PKHD1: variants seen among roughly 807,000 people sequenced by gnomAD.
The protein encoded by PKHD1 is fibrocystin.
Under a neutral mutation model 412.0 loss-of-function variants are expected in PKHD1, and 291 were observed. That is an observed-to-expected ratio of 0.71 (90% CI 0.64 to 0.78). The LOEUF is 0.78. PKHD1 is among the 30% of genes least tolerant of loss of function. The pLI is 0.00. For missense variants in PKHD1, 4,825 were observed against 4,950.7 expected, an observed-to-expected ratio of 0.97 and a Z score of 0.76; for synonymous variants, 1,777 against 1,821.5, an observed-to-expected ratio of 0.98 and a Z score of 0.62.
chr6:51,951,554 G>C (rs1790368249), intron 36 of PKHD1, among the ~76,000 whole-genome samples: 1 of 152,026 alleles, frequency 6.6e-6, no homozygotes, highest in Admixed American at 6.6e-5. Context: ...TTATAAAAAT[G>C]ATTTGGTATA....
At chr6:51,775,104 A>G (rs1790787300) in intron 54 of PKHD1, among the ~76,000 whole-genome samples, 1 of 151,580 alleles carries the variant, frequency 6.6e-6, no homozygotes, top group Admixed American at 6.6e-5. Flanking sequence ...TGACAATACA[A>G]TAGCTAAAAG....
intron 60 of PKHD1, among the ~76,000 whole-genome samples, chr6:51,735,450 T>C (rs990683200): frequency 1.3e-5 from 2 of 152,232 alleles, no homozygotes; most frequent in African/African-American, 4.8e-5. Context: ...ATTATTATTA[T>C]TGCTAGTTTG....
intron 50 of PKHD1, among the ~76,000 whole-genome samples, chr6:51,845,518 T>G (rs1770982994): frequency 6.6e-6 from 1 of 152,238 alleles, no homozygotes; most frequent in Admixed American, 6.5e-5. Flanking sequence ...TGACTTCTTA[T>G]TCCTTTTCCA....
chr6:51,688,604 G>C (rs9474054), intron 60 of PKHD1, among the ~76,000 whole-genome samples: 1,857 of 151,394 alleles, frequency 0.012, 33 homozygotes, highest in African/African-American at 0.042. Flanking sequence ...TAATAAGGAA[G>C]AAAAGAGAGA....
chr6:51,780,577 AAAT>A (rs1400907673), intron 53 of PKHD1, among the ~76,000 whole-genome samples: 2 of 152,154 alleles, frequency 1.3e-5, no homozygotes, highest in Non-Finnish European at 2.9e-5. Flanking sequence ...ACTCTCAAAT[AAAT>A]AATAAATACA....
At position 51,991,234 on chromosome 6, in the gene PKHD1, T is replaced by G. The variant is rs186694029; in HGVS notation, c.5751+19075A>C. Among the ~76,000 whole-genome samples, 40 of 152,256 alleles carry G rather than the reference T, an allele frequency of 2.6e-4. No individual in the cohort carries two copies. The East Asian group carries it at 7.7e-3, about 29-fold the overall frequency. ...TTTTAGACCTTATAAACATAAACTT[T>G]AAATAAGACTGGAATGGAAGATAGA... On this transcript the variant is annotated intron_variant, in intron 35 of 66. Coordinates refer to ENST00000371117, the MANE Select transcript of PKHD1 (RefSeq NM_138694.4).
chr6:51,978,226 T>C (rs1360542810), intron 35 of PKHD1, among the ~76,000 whole-genome samples: 1 of 152,158 alleles, frequency 6.6e-6, no homozygotes, highest in East Asian at 1.9e-4. Context: ...TTCCAAGCCA[T>C]CTAGGGGTGA....
intron 52 of PKHD1, among the ~76,000 whole-genome samples, chr6:51,829,879 T>G (rs1430299836): frequency 6.6e-6 from 1 of 152,182 alleles, no homozygotes; most frequent in East Asian, 1.9e-4. Context: ...AAATTTTGAC[T>G]CTGCAAATTG....
chr6:52,064,588 C>T (rs188403033), intron 13 of PKHD1, among the ~76,000 whole-genome samples: 16 of 152,264 alleles, frequency 1.1e-4, no homozygotes, highest in East Asian at 7.7e-4. Flanking sequence ...CACACTCTAA[C>T]GCTCCTGTCT....
At chr6:52,000,625 G>A (rs544312338) in intron 35 of PKHD1, among the ~76,000 whole-genome samples, 23 of 152,222 alleles carry the variant, frequency 1.5e-4, no homozygotes, top group African/African-American at 3.6e-4. Flanking sequence ...TAAAGCTCGC[G>A]GTTTTCCACT....
intron 37 of PKHD1, among the ~76,000 whole-genome samples, chr6:51,930,148 G>A (rs1193422254): frequency 3.9e-5 from 6 of 152,238 alleles, no homozygotes; most frequent in African/African-American, 1.4e-4. Flanking sequence ...TGGTGAACCT[G>A]GATTGGCAGA....
At chr6:51,799,073 C>A (rs1795016020) in intron 52 of PKHD1, among the ~76,000 whole-genome samples, 1 of 151,954 alleles carries the variant, frequency 6.6e-6, no homozygotes. Context: ...CACTTGAGAA[C>A]AGGAACACAG....
Position 51,922,254 on chromosome 6 carries a change from A to G in PKHD1, c.6122-9678T>C, listed in dbSNP as rs1001468690. 2.0e-5 allele frequency among the ~76,000 whole-genome samples: 3 copies of G among 152,254 alleles called. No homozygotes were observed. The East Asian group carries it at 5.8e-4, about 29-fold the overall frequency. ...CCCTGTTTGCCTGGGTATCACCAGC[A>G]GAGGCTGAAGAACAGCAAATATTGC... On this transcript the variant is annotated intron_variant, in intron 37 of 66. Coordinates refer to ENST00000371117, the MANE Select transcript of PKHD1 (RefSeq NM_138694.4).
chr6:51,949,683 G>A (rs1448388821), intron 36 of PKHD1, among the ~76,000 whole-genome samples: 3 of 152,112 alleles, frequency 2.0e-5, no homozygotes, highest in East Asian at 1.9e-4. Flanking sequence ...CTTAGTCCAC[G>A]CTCCATAATC....
At chr6:51,944,112 G>A (rs1303079475) in intron 36 of PKHD1, among the ~76,000 whole-genome samples, 2 of 152,266 alleles carry the variant, frequency 1.3e-5, no homozygotes, top group Non-Finnish European at 2.9e-5. Flanking sequence ...TGCCTTAACT[G>A]ATGACATTCC....
chr6:51,896,084 C>T (rs1324733531), intron 43 of PKHD1, among the ~76,000 whole-genome samples: 2 of 152,144 alleles, frequency 1.3e-5, no homozygotes, highest in Non-Finnish European at 2.9e-5. Flanking sequence ...GGTAGCCAGG[C>T]TGGAGGAGGG....
intron 51 of PKHD1, 62 bp downstream of exon 51, chr6:51,836,342 G>T: frequency 1.8e-6 from 2 of 1,082,360 alleles, no homozygotes; most frequent in Non-Finnish European, 2.9e-6. Flanking sequence ...GGTGGAATTT[G>T]TAGAACTACT....
At chr6:51,958,339 T>G (rs563968901) in intron 36 of PKHD1, among the ~76,000 whole-genome samples, 2 of 152,224 alleles carry the variant, frequency 1.3e-5, no homozygotes, top group South Asian at 4.1e-4. Context: ...AAATATTACC[T>G]AAACCAGAAA....
At chr6:51,665,563 T>C (rs1425062687) in intron 60 of PKHD1, among the ~76,000 whole-genome samples, 2 of 152,132 alleles carry the variant, frequency 1.3e-5, no homozygotes, top group African/African-American at 4.8e-5. Flanking sequence ...TCTGTACAAA[T>C]GAAATGCCCT....
Sources: gnomAD v4.1 joint callset for allele counts (sites outside exome capture counted in the v4.1 genomes callset) on GRCh38, gnomAD v4.1.1 for gene constraint, MANE v1.5 for transcripts, NCBI Gene and HGNC (gene_info 2026-07-23, HGNC 2026-07-21) for gene names.